FBXW10B: variants seen among roughly 807,000 people sequenced by gnomAD.
The protein encoded by FBXW10B is F-box and WD repeat domain containing 10B.
At chr17:15,575,961 A>G in the FBXW10B span, among the ~76,000 whole-genome samples, 3 of 152,152 alleles carry the variant, frequency 2.0e-5, no homozygotes, top group African/African-American at 7.2e-5. Flanking sequence ...CATTATGTCA[A>G]ATTCTTTCTG....
At chr17:15,618,704 G>A in the FBXW10B span, among the ~76,000 whole-genome samples, 4 of 152,152 alleles carry the variant, frequency 2.6e-5, no homozygotes, top group Non-Finnish European at 5.9e-5. Flanking sequence ...AAGGGGTCAG[G>A]GGCAGGGACC....
chr17:15,615,543 G>T, the FBXW10B span: 17,289 of 1,541,910 alleles, frequency 0.011, 1,599 homozygotes, highest in African/African-American at 0.21. Flanking sequence ...TCGATCTCCT[G>T]ACCTCATGAT....
At chr17:15,602,873 C>T in the FBXW10B span, among the ~76,000 whole-genome samples, 4 of 121,816 alleles carry the variant, frequency 3.3e-5, 1 homozygote, top group South Asian at 2.7e-4. Flanking sequence ...GTGATCCGCC[C>T]GCCTCGGCCT....
the FBXW10B span, chr17:15,612,695 A>G: frequency 6.2e-7 from 1 of 1,613,874 alleles, no homozygotes; most frequent in Non-Finnish European, 8.5e-7. Context: ...TGCTGTTGGA[A>G]CCCACCTTCG....
the FBXW10B span, chr17:15,612,711 A>C: frequency 1.9e-6 from 3 of 1,614,054 alleles, no homozygotes; most frequent in Non-Finnish European, 2.5e-6. Context: ...CTTCGTTCTC[A>C]ACTTCCACTT....
chr17:15,598,807 C>T, the FBXW10B span: 10 of 1,129,088 alleles, frequency 8.9e-6, no homozygotes, highest in African/African-American at 1.1e-4. Flanking sequence ...CCAGCTGCAG[C>T]ACCTATTTGG....
the FBXW10B span, chr17:15,615,653 G>C: frequency 1.3e-5 from 21 of 1,613,922 alleles, no homozygotes; most frequent in Non-Finnish European, 1.7e-5. Flanking sequence ...ACCAGGGTTA[G>C]ATGCTGCCCC....
the FBXW10B span, among the ~76,000 whole-genome samples, chr17:15,592,295 GTTTTTTTTTTT>G: frequency 9.3e-6 from 1 of 107,698 alleles, no homozygotes; most frequent in Non-Finnish European, 1.9e-5. Context: ...AATGGCCAGA[GTTTTTTTTTTT>G]TTTTTTTTTT....
chr17:15,582,997 G>A, the FBXW10B span, among the ~76,000 whole-genome samples: 10 of 11,694 alleles, frequency 8.6e-4, 1 homozygote, highest in African/African-American at 1.3e-3. Context: ...AGCCTCTCTT[G>A]GTGAGGTGAA....
At chr17:15,576,906 G>A in the FBXW10B span, among the ~76,000 whole-genome samples, 1 of 130,450 alleles carries the variant, frequency 7.7e-6, no homozygotes, top group Non-Finnish European at 1.6e-5. Context: ...CAGGGTTTAG[G>A]TTAAGTATTA....
chr17:15,619,297 A>G, the FBXW10B span: 1 of 1,613,810 alleles, frequency 6.2e-7, no homozygotes, highest in African/African-American at 1.3e-5. Context: ...TATTTTGGAA[A>G]TAGTGTAACA....
chr17:15,592,826 C>T, the FBXW10B span, among the ~76,000 whole-genome samples: 17 of 152,202 alleles, frequency 1.1e-4, no homozygotes, highest in African/African-American at 4.1e-4. Flanking sequence ...CAAAACAGGC[C>T]GGGCGCGGTG....
At chr17:15,614,642 A>T in the FBXW10B span, among the ~76,000 whole-genome samples, 5 of 152,272 alleles carry the variant, frequency 3.3e-5, no homozygotes, top group East Asian at 9.6e-4. Context: ...ACAACTTAAG[A>T]AAGGGGGGAA....
chr17:15,570,662 A>G, the FBXW10B span, among the ~76,000 whole-genome samples: 2 of 152,242 alleles, frequency 1.3e-5, no homozygotes, highest in Non-Finnish European at 2.9e-5. Flanking sequence ...TCTTTTCACA[A>G]TGTGATTGTT....
chr17:15,598,559 A>G, the FBXW10B span: 4 of 1,613,764 alleles, frequency 2.5e-6, no homozygotes, highest in South Asian at 4.4e-5. Flanking sequence ...CTTCCTCCAG[A>G]TACGAGCCTG....
At chr17:15,580,013 G>T in the FBXW10B span, among the ~76,000 whole-genome samples, 1 of 151,146 alleles carries the variant, frequency 6.6e-6, no homozygotes, top group African/African-American at 2.4e-5. Context: ...GGGCAGGAAA[G>T]GCAGAGGTAG....
chr17:15,610,844 A>C, the FBXW10B span, among the ~76,000 whole-genome samples: 1 of 152,154 alleles, frequency 6.6e-6, no homozygotes, highest in Non-Finnish European at 1.5e-5. Context: ...TGTTATACTT[A>C]AAACAGCAAC....
chr17:15,607,792 T>TAGG, the FBXW10B span: 1 of 1,023,872 alleles, frequency 9.8e-7, no homozygotes, highest in South Asian at 1.6e-5. Context: ...AGATTCTTCC[T>TAGG]CTGAAGGCTG....
the FBXW10B span, among the ~76,000 whole-genome samples, chr17:15,617,435 T>A: frequency 2.0e-5 from 3 of 152,166 alleles, no homozygotes; most frequent in African/African-American, 7.2e-5. Context: ...GACCTTCCAC[T>A]CCTGGACCCC....
Sources: allele counts gnomAD v4.1 joint callset (sites outside exome capture counted in the v4.1 genomes callset), GRCh38; gene constraint gnomAD v4.1.1; transcripts MANE v1.5; gene names NCBI Gene and HGNC (gene_info 2026-07-23, HGNC 2026-07-21).